BEND6: variants seen among roughly 807,000 people sequenced by gnomAD.
BEND6 encodes BEN domain-containing protein 6.
BEND6 carries 24 observed loss-of-function variants against 31.8 expected under a neutral mutation model. The observed-to-expected ratio is 0.75, with a 90% CI of 0.55 to 1.06. The LOEUF is 1.06. Among genes scored for constraint, BEND6 ranks in the 50% least tolerant of loss-of-function variants. The pLI is 0.00. For missense variants in BEND6, 294 were observed against 327.4 expected, an observed-to-expected ratio of 0.90 and a Z score of 0.79; for synonymous variants, 109 against 114.6, an observed-to-expected ratio of 0.95 and a Z score of 0.31.
At chr6:56,999,448 T>C (rs540003477) in intron 3 of BEND6, among the ~76,000 whole-genome samples, 1 of 152,346 alleles carries the variant, frequency 6.6e-6, no homozygotes, top group South Asian at 2.1e-4. Context: ...GCACTCACTT[T>C]CCTGGATTAG....
At position 56,996,879 on chromosome 6, in the gene BEND6, C is replaced by T. The variant is rs963973830; in HGVS notation, c.298+4324C>T. The stretch of plus-strand genomic sequence containing the variant: ...TTAAGGTGGCATTGTAACTTGCATC[C>T]CTACTTCTGTTCTTGTTCCTATGAG... On this transcript the variant is annotated intron_variant, in intron 3 of 6. Coordinates refer to ENST00000370746, the MANE Select transcript of BEND6 (RefSeq NM_152731.3). 2.0e-5 allele frequency among the ~76,000 whole-genome samples: 3 copies of T among 152,288 alleles called. No individual in the cohort carries two copies. The South Asian group carries it at 6.2e-4, about 32-fold the overall frequency.
At chr6:56,976,935 A>G (rs1156926970) in intron 1 of BEND6, among the ~76,000 whole-genome samples, 1 of 152,266 alleles carries the variant, frequency 6.6e-6, no homozygotes, top group East Asian at 1.9e-4. Flanking sequence ...TTAGCCAACT[A>G]AGCACTCATC....
chr6:56,969,689 T>C (rs1825622041), intron 1 of BEND6, among the ~76,000 whole-genome samples: 1 of 151,952 alleles, frequency 6.6e-6, no homozygotes, highest in Non-Finnish European at 1.5e-5. Flanking sequence ...GACACCTGTA[T>C]TACATTTTGA....
chr6:57,017,495 G>T lies in BEND6; in HGVS notation c.712+96G>T. ...TTTCATGGTCCTTTTATTTTTTAAA[G>T]TTTATTTTTCTGGGAAAGAAAAATC... is the stretch of plus-strand genomic sequence containing the variant. On this transcript the variant is annotated intron_variant, in intron 5 of 6. Transcript: ENST00000370746. 2.9e-6 allele frequency: 3 copies of T among 1,043,856 alleles called. No individual in the cohort carries two copies. In the South Asian group the frequency reaches 1.5e-4, roughly 52 times the overall value. 64.7% of individuals were successfully genotyped at this position (1,043,856 alleles called of 1,614,324 possible). A position where few individuals can be genotyped will look rare whatever the true frequency, so the allele number is the denominator to read the frequency against.
At chr6:56,995,928 T>C (rs137984407) in intron 3 of BEND6, among the ~76,000 whole-genome samples, 201 of 152,316 alleles carry the variant, frequency 1.3e-3, no homozygotes, top group Admixed American at 5.7e-3. Flanking sequence ...TTTTGACACA[T>C]TTGGACAACT....
At chr6:56,987,407 T>C (rs1255076063) in intron 2 of BEND6, among the ~76,000 whole-genome samples, 4 of 152,334 alleles carry the variant, frequency 2.6e-5, no homozygotes, top group African/African-American at 9.6e-5. Context: ...GACCCATTTA[T>C]CTGGACACCA....
chr6:56,992,346 G>C (rs764274847), intron 2 of BEND6, 32 bp from the exon 3 acceptor site: 2 of 1,565,076 alleles, frequency 1.3e-6, no homozygotes, highest in Admixed American at 2.1e-5. Flanking sequence ...ATGCTATGAG[G>C]CTTCTTTTAT....
chr6:56,980,435 C>T (rs935937617), intron 1 of BEND6, among the ~76,000 whole-genome samples: 3 of 152,240 alleles, frequency 2.0e-5, no homozygotes, highest in Non-Finnish European at 2.9e-5. Flanking sequence ...GCAATCTGCC[C>T]GCCTGGGACT....
chr6:56,960,722 A>G (rs1392667206), intron 1 of BEND6, among the ~76,000 whole-genome samples: 1 of 152,248 alleles, frequency 6.6e-6, no homozygotes, highest in African/African-American at 2.4e-5. Flanking sequence ...CAAGGAGAGC[A>G]GAAAATTGTG....
At chr6:57,014,526 G>A (rs1282377174) in intron 3 of BEND6, 1 of 1,513,330 alleles carries the variant, frequency 6.6e-7, no homozygotes, top group Admixed American at 2.3e-5. Context: ...CTTTGAATGT[G>A]TAAGTTTCCA....
At chr6:56,999,943 T>A (rs1450668254) in intron 3 of BEND6, among the ~76,000 whole-genome samples, 1 of 148,194 alleles carries the variant, frequency 6.7e-6, no homozygotes, top group Non-Finnish European at 1.5e-5. Flanking sequence ...TCTGCCTGGC[T>A]GCCCCGTCTG....
At chr6:56,971,883 T>G (rs1825700803) in intron 1 of BEND6, among the ~76,000 whole-genome samples, 2 of 152,102 alleles carry the variant, frequency 1.3e-5, no homozygotes, top group African/African-American at 4.8e-5. Flanking sequence ...GATTTGAAAA[T>G]ATTTTCTCAC....
chr6:56,957,503 A>G (rs936694354), intron 1 of BEND6, among the ~76,000 whole-genome samples: 4 of 152,240 alleles, frequency 2.6e-5, no homozygotes, highest in Non-Finnish European at 5.9e-5. Context: ...GCGGAATTCA[A>G]TAAATACTAA....
At position 56,982,665 on chromosome 6, in the gene BEND6, A is replaced by G. The variant is rs559687986; in HGVS notation, c.120+735A>G. ...TCTTAATTATTTAAATAAATATTAC[A>G]TTCTTAAGGTTTAAAATATTTTTTA... On this transcript the variant is annotated intron_variant, in intron 2 of 6. Transcript: ENST00000370746. 2.0e-5 allele frequency among the ~76,000 whole-genome samples: 3 copies of G among 152,216 alleles called. No homozygotes were observed. In the East Asian group the frequency reaches 5.8e-4, roughly 29 times the overall value.
At chr6:57,009,687 T>C (rs1229270686) in intron 3 of BEND6, 13 of 152,334 alleles carry the variant, frequency 8.5e-5, no homozygotes, top group Admixed American at 8.5e-4. Context: ...CATGCAGATG[T>C]GTCAACTAGA....
chr6:56,981,570 A>G (rs1826070121), intron 1 of BEND6, 141 bp from the exon 2 acceptor site: 1 of 304,082 alleles, frequency 3.3e-6, no homozygotes, highest in South Asian at 5.3e-5. Context: ...TTTTGCATCA[A>G]ATGAAAATGT....
intron 3 of BEND6, among the ~76,000 whole-genome samples, chr6:56,999,027 G>A (rs1012206269): frequency 6.6e-6 from 1 of 152,254 alleles, no homozygotes; most frequent in Non-Finnish European, 1.5e-5. Flanking sequence ...TGGTGCAGCA[G>A]TTTCCTCTCT....
Position 57,002,038 on chromosome 6 carries a change from A to C in BEND6, c.298+9483A>C, listed in dbSNP as rs527738709. On this transcript the variant is annotated intron_variant, in intron 3 of 6. Transcript: ENST00000370746. ...TAGAGAAGTATCACAAATCAAAAAT[A>C]AAGAAGAGCAGGGGTCGTGATTCTT... Among the ~76,000 whole-genome samples the C allele has an allele frequency of 2.0e-5, 3 of 152,360 alleles. No individual in the cohort carries two copies. In the South Asian group the frequency reaches 6.2e-4, roughly 32 times the overall value.
chr6:56,965,857 A>C (rs1427128518), intron 1 of BEND6, among the ~76,000 whole-genome samples: 1 of 152,000 alleles, frequency 6.6e-6, no homozygotes, highest in East Asian at 1.9e-4. Context: ...TACATATTAC[A>C]TTTTGTGAAT....
Sources: gnomAD v4.1 joint callset for allele counts (sites outside exome capture counted in the v4.1 genomes callset) on GRCh38, gnomAD v4.1.1 for gene constraint, MANE v1.5 for transcripts, NCBI Gene and HGNC (gene_info 2026-07-23, HGNC 2026-07-21) for gene names.